KLRG1: variants seen among roughly 807,000 people sequenced by gnomAD.
KLRG1 encodes the protein killer cell lectin like receptor G1.
A neutral mutation model predicts 21.8 loss-of-function variants in KLRG1; 16 were observed. The ratio of observed to expected loss-of-function variants is 0.73; its 90% CI spans 0.50 to 1.11. The LOEUF is 1.11. Among genes scored for constraint, KLRG1 ranks in the 50% most tolerant of loss-of-function variants. The pLI, the probability that KLRG1 is intolerant of heterozygous loss-of-function variation, is 0.00. For missense variants in KLRG1, 173 were observed against 218.3 expected (o/e 0.79, Z 1.31); for synonymous variants, 69 against 75.9 (o/e 0.91, Z 0.47).
the KLRG1 span, chr12:9,101,249 G>T: frequency 6.5e-7 from 1 of 1,535,720 alleles, no homozygotes; most frequent in Non-Finnish European, 8.8e-7. Context: ...GTGCCAGAGA[G>T]AACACGCTTC....
At chr12:9,147,707 T>G in the KLRG1 span, among the ~76,000 whole-genome samples, 1 of 152,174 alleles carries the variant, frequency 6.6e-6, no homozygotes, top group Non-Finnish European at 1.5e-5. Flanking sequence ...CATCAGCCAG[T>G]TTCTTACTGT....
At chr12:9,027,488 T>C in the KLRG1 span, 2 of 972,208 alleles carry the variant, frequency 2.1e-6, no homozygotes, top group African/African-American at 3.2e-5. Flanking sequence ...TCCCTGCCAC[T>C]TCTCTGGCTC....
chr12:9,168,303 G>A, the KLRG1 span, among the ~76,000 whole-genome samples: 96,155 of 152,006 alleles, frequency 0.63, 30,812 homozygotes, highest in East Asian at 0.83. Context: ...GGATGTCAGG[G>A]ATATTTTGGA....
At chr12:9,087,695 T>G in the KLRG1 span, among the ~76,000 whole-genome samples, 2 of 152,290 alleles carry the variant, frequency 1.3e-5, no homozygotes, top group Non-Finnish European at 2.9e-5. Flanking sequence ...GTTAGCTTGA[T>G]TTAATTATTT....
the KLRG1 span, chr12:9,028,138 G>T: frequency 1.5e-6 from 1 of 681,764 alleles, no homozygotes; most frequent in African/African-American, 2.4e-5. Context: ...CTTCAGTGTC[G>T]TCGTCTTCTT....
At chr12:9,147,620 G>C in the KLRG1 span, among the ~76,000 whole-genome samples, 4 of 152,152 alleles carry the variant, frequency 2.6e-5, no homozygotes, top group South Asian at 4.1e-4. Context: ...GTGTGGGACA[G>C]GGGGGAAGCC....
At chr12:9,158,388 T>A in the KLRG1 span, 1 of 1,612,088 alleles carries the variant, frequency 6.2e-7, no homozygotes, top group South Asian at 1.1e-5. Flanking sequence ...TGTTGATGTG[T>A]GTCAGGCTCA....
chr12:9,047,264 G>A, the KLRG1 span, among the ~76,000 whole-genome samples: 3 of 152,204 alleles, frequency 2.0e-5, no homozygotes, highest in Non-Finnish European at 4.4e-5. Flanking sequence ...AGGTGTGACA[G>A]GAATGTTATA....
rs561676541 is a variant in KLRG1, at chr12:8,980,221, G to GT, written c.-155-11977dup. The stretch of plus-strand genomic sequence containing the variant: ...GGTGTGAGTCACCATGCCTGGCCCT[G>GT]TTTTTTTTGTTTTTTTGTTTTTTAA... On this transcript the variant is annotated intron_variant, in intron 1 of 4. Coordinates refer to the KLRG1 transcript ENST00000539240. 5.3e-4 allele frequency among the ~76,000 whole-genome samples: 80 copies of GT among 151,590 alleles called. 1 individual carries two copies. The South Asian group carries it at 0.012, about 23-fold the overall frequency.
At chr12:9,144,179 G>C in the KLRG1 span, among the ~76,000 whole-genome samples, 1 of 151,264 alleles carries the variant, frequency 6.6e-6, no homozygotes, top group South Asian at 2.1e-4. Context: ...GAGAGAGAGA[G>C]AGAGAGACAG....
At chr12:9,051,536 G>C in the KLRG1 span, among the ~76,000 whole-genome samples, 1 of 152,164 alleles carries the variant, frequency 6.6e-6, no homozygotes, top group African/African-American at 2.4e-5. Flanking sequence ...CAGACGTCAG[G>C]ACAACCTGTC....
chr12:9,178,330 C>T, the KLRG1 span, among the ~76,000 whole-genome samples: 1 of 152,216 alleles, frequency 6.6e-6, no homozygotes. Flanking sequence ...ACTGTAGCCA[C>T]TCCCTGCCCC....
At chr12:9,203,022 GCAACTTTAAA>G in the KLRG1 span, among the ~76,000 whole-genome samples, 1 of 152,128 alleles carries the variant, frequency 6.6e-6, no homozygotes, top group Non-Finnish European at 1.5e-5. Flanking sequence ...CCCAAGTTAG[GCAACTTTAAA>G]GAGGTACTAG....
At chr12:9,129,521 G>T in the KLRG1 span, among the ~76,000 whole-genome samples, 1 of 151,932 alleles carries the variant, frequency 6.6e-6, no homozygotes, top group Admixed American at 6.6e-5. Context: ...CAGTATTATT[G>T]TATATAATAA....
At chr12:9,055,540 G>A in the KLRG1 span, 1 of 152,244 alleles carries the variant, frequency 6.6e-6, no homozygotes, top group African/African-American at 2.4e-5. Flanking sequence ...ATGAAAAGCA[G>A]TAAGTGCGCA....
chr12:8,992,421 A>G lies in KLRG1; in HGVS notation c.187+111A>G, dbSNP rs762551244. 2.7e-5 allele frequency: 19 copies of G among 691,412 alleles called. No homozygotes were observed. In the Admixed American group the frequency reaches 3.2e-4, roughly 12 times the overall value. The allele number at this position is 691,412 out of a possible 1,614,324, so 42.8% of individuals were successfully genotyped here. On this transcript the variant is annotated intron_variant, in intron 2 of 4. Transcript: ENST00000356986. ...AATAATTCAAACAAAATAACTCTCC[A>G]TCTGTATACAGCTATTTCCTGGGTA...
At chr12:9,076,604 A>G in the KLRG1 span, among the ~76,000 whole-genome samples, 841 of 152,340 alleles carry the variant, frequency 5.5e-3, 5 homozygotes, top group African/African-American at 0.019. Context: ...GAAATCCTAG[A>G]TTTTATAAGA....
the KLRG1 span, chr12:9,192,294 G>C: frequency 6.3e-7 from 1 of 1,588,758 alleles, no homozygotes; most frequent in Non-Finnish European, 8.6e-7. Flanking sequence ...TTCTTGAGCT[G>C]GACACAGTTC....
chr12:9,181,969 G>T, the KLRG1 span: 1 of 1,611,104 alleles, frequency 6.2e-7, no homozygotes, highest in Non-Finnish European at 8.5e-7. Flanking sequence ...ATGTTAAATC[G>T]CTCACCTTGT....
Sources: allele counts gnomAD v4.1 joint callset (sites outside exome capture counted in the v4.1 genomes callset), GRCh38; gene constraint gnomAD v4.1.1; transcripts MANE v1.5; gene names NCBI Gene and HGNC (gene_info 2026-07-23, HGNC 2026-07-21).